The following SMPDL3B variants were observed in gnomAD, a reference collection of about 807,000 sequenced individuals.
SMPDL3B encodes the protein sphingomyelin phosphodiesterase acid like 3B, also known as acid sphingomyelinase-like phosphodiesterase 3b.
Under a neutral mutation model 37.9 loss-of-function variants are expected in SMPDL3B, and 31 were observed. The observed-to-expected ratio is 0.82, with a 90% CI of 0.61 to 1.10. SMPDL3B has a LOEUF of 1.10. Ranked by LOEUF, SMPDL3B falls within the 50% of genes least tolerant of loss-of-function variation. The probability of loss-of-function intolerance (pLI) is 0.00; values close to 1 mark genes in which losing one functional copy is unlikely to be tolerated. For synonymous variants in SMPDL3B, 235 were observed against 242.6 expected (o/e 0.97, Z 0.29); for missense variants, 525 against 597.8 (o/e 0.88, Z 1.27).
In SMPDL3B at chr1:27,947,306, G is replaced by T. The variant is rs912838355; in HGVS notation, c.276-1759G>T. ...CCGCCTCAGCCTCCCAAAGTGCTGG[G>T]ATTGCAGGCGTGAGCCACTGCACCC... On this transcript the variant is annotated intron_variant, in intron 2 of 7. Coordinates refer to ENST00000373894, the MANE Select transcript of SMPDL3B (RefSeq NM_014474.4). 2.0e-5 allele frequency among the ~76,000 whole-genome samples: 3 copies of T among 152,272 alleles called. No individual in the cohort carries two copies. The East Asian group carries it at 5.8e-4, about 29-fold the overall frequency.
intron 2 of SMPDL3B, 111 bp from the exon 3 acceptor site, chr1:27,948,954 C>T (rs911144613): frequency 6.4e-7 from 1 of 1,560,480 alleles, no homozygotes. Flanking sequence ...CTCAAGGGGA[C>T]ATCTGAGGCC....
At position 27,945,891 on chromosome 1, in the gene SMPDL3B, G is replaced by C. The variant is rs2090402668; in HGVS notation, c.275+446G>C. On this transcript the variant is annotated intron_variant, in intron 2 of 7. Coordinates refer to ENST00000373894, the MANE Select transcript of SMPDL3B (RefSeq NM_014474.4). The surrounding 1 kb of genome is among the most constrained non-coding windows in gnomAD (Gnocchi z 4.0). The stretch of plus-strand genomic sequence containing the variant: ...CTGGCCAGCTGCTGGCCACCCCTGG[G>C]CTGCCCAGTGGTCCTGGATTTTCTC... Among the ~76,000 whole-genome samples, 1 of 152,126 alleles carries C rather than the reference G, an allele frequency of 6.6e-6. No individual in the cohort carries two copies. Among genetic ancestry groups the C allele is most frequent in the South Asian group, 2.1e-4 (1 of 4,830 alleles).
Position 27,947,969 on chromosome 1 carries a change from C to T in SMPDL3B, c.276-1096C>T, listed in dbSNP as rs371601913. The stretch of plus-strand genomic sequence containing the variant: ...TGTCCCTGTGTCTTTGGGTTTCCGG[C>T]CTGTCCCCAGGGAGTTTTCAGGGCA... On this transcript the variant is annotated intron_variant, in intron 2 of 7. Transcript: ENST00000373894. Among the ~76,000 whole-genome samples the T allele has an allele frequency of 8.6e-5, 13 of 151,632 alleles. No individual in the cohort carries two copies. The East Asian group carries it at 1.7e-3, about 20-fold the overall frequency.
At position 27,945,544 on chromosome 1, in the gene SMPDL3B, C is replaced by A. The variant is rs2148676036; in HGVS notation, c.275+99C>A. On this transcript the variant is annotated intron_variant, in intron 2 of 7. Coordinates refer to ENST00000373894, the MANE Select transcript of SMPDL3B (RefSeq NM_014474.4). The surrounding 1 kb of genome is among the most constrained non-coding windows in gnomAD (Gnocchi z 4.0). ...CCCACATTATCTCCCTTAATCCTCA[C>A]ATCAGTCTCACGTGAGGCTGAGGAA... 3 of 979,606 alleles carry A rather than the reference C, an allele frequency of 3.1e-6. No individual in the cohort carries two copies. Among genetic ancestry groups the A allele is most frequent in the East Asian group, 2.6e-5 (1 of 38,648 alleles). The allele number at this position is 979,606 out of a possible 1,614,324, so 60.7% of individuals were successfully genotyped here.
At chr1:27,944,440 C>T (rs559333574) in intron 1 of SMPDL3B, among the ~76,000 whole-genome samples, 2 of 152,236 alleles carry the variant, frequency 1.3e-5, no homozygotes, top group South Asian at 4.1e-4. Flanking sequence ...CTGCAGCCTC[C>T]ACCTCCTGGG....
At chr1:27,950,561 C>T (rs55720217) in intron 3 of SMPDL3B, among the ~76,000 whole-genome samples, 36,871 of 152,168 alleles carry the variant, frequency 0.24, 4,533 homozygotes, top group Admixed American at 0.27. Flanking sequence ...TCAAGCAATC[C>T]TTCCATCTCA....
chr1:27,945,140 G>T lies in SMPDL3B; in HGVS notation c.62-92G>T. On this transcript the variant is annotated intron_variant, in intron 1 of 7. Coordinates refer to ENST00000373894, the MANE Select transcript of SMPDL3B (RefSeq NM_014474.4). The surrounding 1 kb of genome is among the most constrained non-coding windows in gnomAD (Gnocchi z 4.0). The stretch of plus-strand genomic sequence containing the variant: ...GAAGACTTCCATTTGCCTGTGTAAC[G>T]CCCCTGCCCCAGCCCAGGGCTCCCC... 1 of 1,229,586 alleles carries T rather than the reference G, an allele frequency of 8.1e-7. No homozygotes were observed. Among genetic ancestry groups the T allele is most frequent in the East Asian group, 2.4e-5 (1 of 42,428 alleles). The allele number at this position is 1,229,586 out of a possible 1,614,324, so 76.2% of individuals were successfully genotyped here.
At position 27,958,617 on chromosome 1, in the gene SMPDL3B, G is replaced by C. The variant is rs1250775609; in HGVS notation, c.1147G>C (p.Ala383Pro). 6.2e-7 allele frequency: 1 copy of C among 1,613,638 alleles called. No homozygotes were observed. Among genetic ancestry groups the C allele is most frequent in the East Asian group, 2.2e-5 (1 of 44,876 alleles). The part of the protein sequence containing the change: ...HSMHTVLDRI[A>P]GDQSTLQRYY... ...CATGCACACAGTGCTGGACCGCATC[G>C]CTGGCGACCAGAGCACACTGCAGCG... is the stretch of plus-strand genomic sequence containing the variant. Residue 383 changes from alanine (A) to proline (P), a missense_variant, in exon 8 of 8, where the codon GCT becomes CCT. Ala to Pro is a conservative substitution (Grantham distance 27). Transcript: ENST00000373894. This position sits in a 1 kb window ranked among gnomAD's most constrained non-coding sequence, Gnocchi z 5.6.
chr1:27,958,556 C>A lies in SMPDL3B; in HGVS notation c.1086C>A (p.Thr362=), dbSNP rs770197970. The A allele has an allele frequency of 1.2e-6, 2 of 1,613,886 alleles. No homozygotes were observed. The highest frequency in any genetic ancestry group is 1.1e-5 in the South Asian group (1 of 91,076). ...GCTGGGAGCTCGAGTACCAGCTGAC[C>A]GAGGCCTATGGGGTGCCGGACGCCA... ...TPRWELEYQL[T]EAYGVPDASA... The change falls in exon 8 of 8, where the codon ACC becomes ACA. Residue 362 remains threonine (T), a synonymous_variant. Transcript: ENST00000373894. This position sits in a 1 kb window ranked among gnomAD's most constrained non-coding sequence, Gnocchi z 5.6.
At chr1:27,937,989 AC>A (rs2090323648) in intron 1 of SMPDL3B, among the ~76,000 whole-genome samples, 1 of 152,036 alleles carries the variant, frequency 6.6e-6, no homozygotes, top group South Asian at 2.1e-4. Flanking sequence ...AAAAGTTACT[AC>A]CCCTTCCCTA....
chr1:27,951,658 G>T (rs917841009), intron 3 of SMPDL3B, among the ~76,000 whole-genome samples: 2 of 152,180 alleles, frequency 1.3e-5, no homozygotes, highest in Admixed American at 6.5e-5. Flanking sequence ...ACTGGCCTGG[G>T]CAACATAGCA....
chr1:27,940,192 C>T lies in SMPDL3B; in HGVS notation c.61+4948C>T, dbSNP rs74817084. 5.6e-3 allele frequency among the ~76,000 whole-genome samples: 859 copies of T among 152,246 alleles called. 7 individuals carry two copies. Among genetic ancestry groups the T allele is most frequent in the African/African-American group, 0.019 (808 of 41,534 alleles). On this transcript the variant is annotated intron_variant, in intron 1 of 7. Coordinates refer to ENST00000373894, the MANE Select transcript of SMPDL3B (RefSeq NM_014474.4). ...GACACTTTTTGCCTGCCCAGGGACGCGCTGTGCCCACCAGTCCTCCTCTTA... is the reference window on the plus strand; with the variant it reads ...GACACTTTTTGCCTGCCCAGGGACGTGCTGTGCCCACCAGTCCTCCTCTTA...
At chr1:27,939,473 C>T (rs2090338038) in intron 1 of SMPDL3B, among the ~76,000 whole-genome samples, 1 of 152,120 alleles carries the variant, frequency 6.6e-6, no homozygotes. Context: ...GCCTCAGCCT[C>T]CCAAGTACGG....
At position 27,953,377 on chromosome 1, in the gene SMPDL3B, C is replaced by A; in HGVS notation, c.517+19C>A. 6.3e-7 allele frequency: 1 copy of A among 1,599,736 alleles called. No individual in the cohort carries two copies. ...AAAAAAGGTACCAACACCACCTGCT[C>A]CTATCAAGAGCACTTACTGTATGCC... On this transcript the variant is annotated intron_variant, in intron 4 of 7. Transcript: ENST00000373894.
Position 27,945,341 on chromosome 1 carries a change from C to T in SMPDL3B, c.171C>T (p.Gly57=). ...GATCCCAGCCAGTGCCCGACGCAGG[C>T]CCCTGGGGTGACTACCTCTGTGATT... ...SAGSQPVPDA[G]PWGDYLCDSP... The change falls in exon 2 of 8, where the codon GGC becomes GGT. Residue 57 remains glycine, a synonymous_variant. Coordinates refer to ENST00000373894, the MANE Select transcript of SMPDL3B (RefSeq NM_014474.4). The surrounding 1 kb of genome is among the most constrained non-coding windows in gnomAD (Gnocchi z 4.0). 6.2e-7 allele frequency: 1 copy of T among 1,614,106 alleles called. No individual in the cohort carries two copies. Among genetic ancestry groups the T allele is most frequent in the South Asian group, 1.1e-5 (1 of 91,078 alleles).
chr1:27,951,774 A>T (rs1444226024), intron 3 of SMPDL3B, among the ~76,000 whole-genome samples: 1 of 152,212 alleles, frequency 6.6e-6, no homozygotes, highest in Non-Finnish European at 1.5e-5. Context: ...ACTTGACCCC[A>T]GGAATTTGAG....
chr1:27,949,420 C>A (rs550175612), intron 3 of SMPDL3B, among the ~76,000 whole-genome samples: 1 of 152,344 alleles, frequency 6.6e-6, no homozygotes, highest in East Asian at 1.9e-4. Context: ...CTGCTCCTGC[C>A]TATCTCCAGA....
intron 1 of SMPDL3B, among the ~76,000 whole-genome samples, chr1:27,944,730 TC>T (rs2090392016): frequency 6.7e-6 from 1 of 150,340 alleles, no homozygotes; most frequent in Admixed American, 6.6e-5. Context: ...CAGACTTTTT[TC>T]TTTTTTTTTT....
chr1:27,942,502 A>T, intron 1 of SMPDL3B: 1 of 374,952 alleles, frequency 2.7e-6, no homozygotes, highest in Non-Finnish European at 5.4e-6. Context: ...TTTTTTTGAG[A>T]CAGTCTTGCT....
Sources: gnomAD v4.1 joint callset for allele counts (sites outside exome capture counted in the v4.1 genomes callset) on GRCh38, gnomAD v4.1.1 for gene constraint, Gnocchi (gnomAD v3.1) non-coding constraint, MANE v1.5 for transcripts, NCBI Gene and HGNC (gene_info 2026-07-23, HGNC 2026-07-21) for gene names.